ZNF25: variants seen among roughly 807,000 people sequenced by gnomAD.
ZNF25 encodes zinc finger protein 25 (KOX 19).
Under a neutral mutation model 30.9 loss-of-function variants are expected in ZNF25, and 21 were observed. That is an observed-to-expected ratio of 0.68 (90% CI 0.48 to 0.98). The LOEUF (loss-of-function observed/expected upper bound fraction) is 0.98. ZNF25 is among the 50% of genes least tolerant of loss of function. ZNF25 has a pLI of 0.00. For missense variants in ZNF25, 501 were observed against 529.9 expected (o/e 0.95, Z 0.54); for synonymous variants, 169 against 181.3 (o/e 0.93, Z 0.55).
In ZNF25 at chr10:37,952,779, T is replaced by C. The variant is rs1564750707; in HGVS notation, c.719A>G (p.Tyr240Cys). 4 of 1,613,370 alleles carry C rather than the reference T, an allele frequency of 2.5e-6. No individual in the cohort carries two copies. Among genetic ancestry groups the C allele is most frequent in the Admixed American group, 1.7e-5 (1 of 59,960 alleles). Residue 240 changes from tyrosine to cysteine, a missense_variant, in exon 6 of 6, where the codon TAT becomes TGT. Transcript: ENST00000302609. ...FECTECGKFF[Y>C]VKAYLMVHQK... ...ATGTACCATGAGGTATGCCTTCACA[T>C]AGAAGAACTTCCCACATTCAGTACA...
In ZNF25 at chr10:37,949,833, T is replaced by C. The variant is rs555432494; in HGVS notation, c.*2294A>G. ...ATTGATTTGGGAGAAAACAAAGGAATACTGTGGGGCAGTATCAATGAACAA... is the reference window on the plus strand; with the variant it reads ...ATTGATTTGGGAGAAAACAAAGGAACACTGTGGGGCAGTATCAATGAACAA... On this transcript the variant is annotated 3_prime_UTR_variant, in exon 6 of 6. Transcript: ENST00000302609. 9.4e-4 allele frequency: 143 copies of C among 152,740 alleles called. No individual in the cohort carries two copies. The highest frequency in any genetic ancestry group is 3.1e-3 in the African/African-American group (130 of 41,572). The allele number at this position is 152,740 out of a possible 1,614,324, so 9.5% of individuals were successfully genotyped here.
intron 2 of ZNF25, among the ~76,000 whole-genome samples, chr10:37,962,931 C>T (rs1343362603): frequency 6.6e-6 from 1 of 151,854 alleles, no homozygotes; most frequent in Non-Finnish European, 1.5e-5. Context: ...AGTTAAAAAC[C>T]TTTCAACACG....
chr10:37,957,189 A>G, intron 3 of ZNF25, 74 bp from the exon 4 acceptor site: 1 of 1,454,262 alleles, frequency 6.9e-7, no homozygotes, highest in Non-Finnish European at 9.6e-7. Context: ...GAGGAAGTGG[A>G]GTTTCAGGAT....
intron 4 of ZNF25, among the ~76,000 whole-genome samples, chr10:37,955,988 C>A (rs575462377): frequency 2.0e-5 from 3 of 152,286 alleles, no homozygotes; most frequent in Admixed American, 6.5e-5. Context: ...CAGCCAGTCT[C>A]TTGTTAATTA....
Position 37,957,472 on chromosome 10 carries a change from C to G in ZNF25, c.90G>C (p.Arg30Ser). ...CCAGCATCACATCCTTATACAGAGT[C>G]CTCTGAGCAGGGGTCAGTAACTTCC... ...EEWKLLTPAQ[R>S]TLYKDVMLEN... The change falls in exon 3 of 6, where the codon AGG becomes AGC. Residue 30 changes from arginine (R) to serine (S), a missense_variant. Physicochemically the swap from Arg to Ser is moderately radical, Grantham distance 110. Coordinates refer to ENST00000302609, the MANE Select transcript of ZNF25 (RefSeq NM_145011.4). The G allele has an allele frequency of 6.2e-7, 1 of 1,613,916 alleles. No homozygotes were observed. The highest frequency in any genetic ancestry group is 2.2e-5 in the East Asian group (1 of 44,858).
Position 37,952,003 on chromosome 10 carries a change from G to C in ZNF25, c.*124C>G. 1.2e-6 allele frequency: 1 copy of C among 826,996 alleles called. No homozygotes were observed. Among genetic ancestry groups the C allele is most frequent in the East Asian group, 2.6e-5 (1 of 37,966 alleles). The allele number at this position is 826,996 out of a possible 1,614,324, so 51.2% of individuals were successfully genotyped here. A position where few individuals can be genotyped will look rare whatever the true frequency, so the allele number is the denominator to read the frequency against. On this transcript the variant is annotated 3_prime_UTR_variant, in exon 6 of 6. Transcript: ENST00000302609. Reference sequence around the variant, plus strand: ...CTCTCTATGTATTTGCTGATACACAGAGAGAGCAAAGATTGTAGCTGAAAA... The same window carrying C: ...CTCTCTATGTATTTGCTGATACACACAGAGAGCAAAGATTGTAGCTGAAAA...
intron 2 of ZNF25, among the ~76,000 whole-genome samples, chr10:37,966,591 T>C (rs569348401): frequency 2.1e-4 from 32 of 152,098 alleles, no homozygotes; most frequent in African/African-American, 7.7e-4. Flanking sequence ...GAGCAGGAGA[T>C]AGAGGGCAAA....
intron 4 of ZNF25, among the ~76,000 whole-genome samples, chr10:37,954,508 A>G (rs977024879): frequency 6.6e-6 from 1 of 152,170 alleles, no homozygotes; most frequent in African/African-American, 2.4e-5. Context: ...ATGAATTCCT[A>G]GTTGTACCAC....
chr10:37,963,831 CG>C (rs1262437508), intron 2 of ZNF25, among the ~76,000 whole-genome samples: 1 of 152,016 alleles, frequency 6.6e-6, no homozygotes, highest in Non-Finnish European at 1.5e-5. Context: ...AAAAATTAGG[CG>C]GGTGTGGTGG....
intron 2 of ZNF25, among the ~76,000 whole-genome samples, chr10:37,959,759 G>A (rs1442439158): frequency 1.4e-4 from 21 of 151,832 alleles, no homozygotes; most frequent in East Asian, 3.9e-4. Flanking sequence ...ATAGGCGCCC[G>A]CCACCACGCC....
chr10:37,964,636 C>T (rs2063082892), intron 2 of ZNF25, among the ~76,000 whole-genome samples: 1 of 152,180 alleles, frequency 6.6e-6, no homozygotes, highest in African/African-American at 2.4e-5. Context: ...TGTGGCCTGA[C>T]TGCTCCTAAT....
intron 2 of ZNF25, 85 bp downstream of exon 2, chr10:37,971,623 C>A: frequency 1.3e-6 from 2 of 1,525,982 alleles, no homozygotes; most frequent in Non-Finnish European, 1.8e-6. Flanking sequence ...GTTCATAAAA[C>A]TCATTAAACA....
chr10:37,972,896 G>A (rs547729461), intron 1 of ZNF25, among the ~76,000 whole-genome samples: 36 of 152,248 alleles, frequency 2.4e-4, no homozygotes, highest in Non-Finnish European at 3.7e-4. Flanking sequence ...GGCCAGGCAC[G>A]GTGGCTCACG....
At chr10:37,959,208 A>T (rs1448639689) in intron 2 of ZNF25, among the ~76,000 whole-genome samples, 2 of 152,198 alleles carry the variant, frequency 1.3e-5, no homozygotes, top group Non-Finnish European at 1.5e-5. Context: ...GCCACTGAAG[A>T]GATGTGTCAA....
At chr10:37,957,643 AG>A in intron 2 of ZNF25, 97 bp from the exon 3 acceptor site, 1 of 1,347,220 alleles carries the variant, frequency 7.4e-7, no homozygotes, top group Non-Finnish European at 9.9e-7. Context: ...CTAACTGCAA[AG>A]TTCATTCTGG....
chr10:37,953,648 C>T, intron 5 of ZNF25, 47 bp downstream of exon 5: 1 of 1,578,766 alleles, frequency 6.3e-7, no homozygotes, highest in Non-Finnish European at 8.7e-7. Flanking sequence ...TCCTTTAAGA[C>T]TCTTGCTTAC....
intron 2 of ZNF25, among the ~76,000 whole-genome samples, chr10:37,960,199 C>G (rs2062776397): frequency 6.6e-6 from 1 of 152,098 alleles, no homozygotes; most frequent in Non-Finnish European, 1.5e-5. Context: ...TCATTCTGGG[C>G]TTAAAGTGAC....
chr10:37,958,958 A>G (rs12356268), intron 2 of ZNF25, among the ~76,000 whole-genome samples: 5,247 of 152,342 alleles, frequency 0.034, 138 homozygotes, highest in Non-Finnish European at 0.054. Flanking sequence ...CTGAGCCAAG[A>G]GAATGGCTTG....
In ZNF25 at chr10:37,949,685, G is replaced by A. The variant is rs1324642331; in HGVS notation, c.*2442C>T. ...AATAATTTTATAGATTACTAGTAAT[G>A]TAGCTGATGGAATTGGGTATTGTAA... On this transcript the variant is annotated 3_prime_UTR_variant, in exon 6 of 6. Transcript: ENST00000302609. 3 of 152,328 alleles carry A rather than the reference G, an allele frequency of 2.0e-5. No homozygotes were observed. Among genetic ancestry groups the A allele is most frequent in the Non-Finnish European group, 4.4e-5 (3 of 68,038 alleles). The allele number at this position is 152,328 out of a possible 1,614,324, so 9.4% of individuals were successfully genotyped here.
Sources: allele counts gnomAD v4.1 joint callset (sites outside exome capture counted in the v4.1 genomes callset), GRCh38; gene constraint gnomAD v4.1.1; transcripts MANE v1.5; gene names NCBI Gene and HGNC (gene_info 2026-07-23, HGNC 2026-07-21).